The following UBE2G2 variants were observed in gnomAD, a reference collection of about 807,000 sequenced individuals.
The protein encoded by UBE2G2 is ubiquitin-conjugating enzyme E2 G2.
UBE2G2 carries 10 observed loss-of-function variants against 23.0 expected under a neutral mutation model. The observed-to-expected ratio is 0.43, with a 90% CI of 0.27 to 0.74. UBE2G2 has a LOEUF of 0.74. Ranked by LOEUF, UBE2G2 falls within the 30% of genes least tolerant of loss-of-function variation. The pLI, the probability that UBE2G2 is intolerant of heterozygous loss-of-function variation, is 0.19. For missense variants in UBE2G2, 150 were observed against 218.3 expected (o/e 0.69, Z 1.97); for synonymous variants, 86 against 81.3 (o/e 1.06, Z -0.31).
At chr21:44,796,743 C>CA (rs1456226511) in intron 1 of UBE2G2, among the ~76,000 whole-genome samples, 1 of 152,222 alleles carries the variant, frequency 6.6e-6, no homozygotes, top group African/African-American at 2.4e-5. Context: ...GTTCTCTGCT[C>CA]AGAGTCTCAC....
chr21:44,796,279 A>G (rs1555963756), intron 1 of UBE2G2, among the ~76,000 whole-genome samples: 2 of 152,352 alleles, frequency 1.3e-5, no homozygotes, highest in East Asian at 3.9e-4. Flanking sequence ...CTGTTGCTCA[A>G]TTCCATAAAA....
intron 1 of UBE2G2, among the ~76,000 whole-genome samples, chr21:44,795,738 G>A (rs1415743677): frequency 7.0e-6 from 1 of 142,246 alleles, no homozygotes; most frequent in Non-Finnish European, 1.5e-5. Context: ...CACTGCTAGG[G>A]AAATGTGAAC....
Position 44,772,335 on chromosome 21 carries a change from C to CG in UBE2G2, c.386-847dup, listed in dbSNP as rs2082880531. Among the ~76,000 whole-genome samples the CG allele has an allele frequency of 1.3e-5, 2 of 152,102 alleles. No individual in the cohort carries two copies. The highest frequency in any genetic ancestry group is 2.9e-5 in the Non-Finnish European group (2 of 67,996). ...CCTCAGCCCTCTCAGGATACACACTCGCGTCACAGGCCCTGACCTCACATC... is the reference window on the plus strand; with the variant it reads ...CCTCAGCCCTCTCAGGATACACACTCGGCGTCACAGGCCCTGACCTCACATC... On this transcript the variant is annotated intron_variant, in intron 5 of 5. Coordinates refer to ENST00000345496, the MANE Select transcript of UBE2G2 (RefSeq NM_003343.6). The surrounding 1 kb of genome is among the most constrained non-coding windows in gnomAD (Gnocchi z 5.4).
rs190842063 is a variant in UBE2G2 at position 44,782,419 on chromosome 21, C to T, written c.126-5002G>A. Among the ~76,000 whole-genome samples the T allele has an allele frequency of 5.9e-5, 9 of 152,308 alleles. No homozygotes were observed. The East Asian group carries it at 1.7e-3, about 29-fold the overall frequency. On this transcript the variant is annotated intron_variant, in intron 3 of 5. Transcript: ENST00000345496. Reference sequence around the variant, plus strand: ...TTCAATGTAGTCTCAATCAAAATCCCACCAGGCATTTTGTAGAAATTGACA... The same window carrying T: ...TTCAATGTAGTCTCAATCAAAATCCTACCAGGCATTTTGTAGAAATTGACA...
At chr21:44,797,037 C>G (rs1453554862) in intron 1 of UBE2G2, among the ~76,000 whole-genome samples, 1 of 152,208 alleles carries the variant, frequency 6.6e-6, no homozygotes. Flanking sequence ...CTGCTGATTA[C>G]TAACCTGACT....
chr21:44,776,601 C>T (rs2082915375), intron 4 of UBE2G2, among the ~76,000 whole-genome samples: 1 of 152,116 alleles, frequency 6.6e-6, no homozygotes, highest in Non-Finnish European at 1.5e-5. Context: ...ATTGTAGCTC[C>T]CATAATTCCC....
intron 1 of UBE2G2, 110 bp from the exon 2 acceptor site, chr21:44,788,205 A>G: frequency 9.7e-7 from 1 of 1,035,448 alleles, no homozygotes; most frequent in African/African-American, 1.6e-5. Flanking sequence ...GAATATGCAT[A>G]TTAACAAGTG....
At chr21:44,779,181 G>T (rs1555960979) in intron 3 of UBE2G2, 1 of 436,164 alleles carries the variant, frequency 2.3e-6, no homozygotes, top group East Asian at 7.6e-5. Context: ...AGCAACAGCA[G>T]ATGCCAGCAC....
At chr21:44,792,321 G>A (rs1281324911) in intron 1 of UBE2G2, among the ~76,000 whole-genome samples, 5 of 152,122 alleles carry the variant, frequency 3.3e-5, no homozygotes, top group African/African-American at 1.2e-4. Flanking sequence ...AAATGACATG[G>A]TTTGGCTTTG....
chr21:44,779,654 A>AGAGT (rs1326937400), intron 3 of UBE2G2, among the ~76,000 whole-genome samples: 1 of 152,230 alleles, frequency 6.6e-6, no homozygotes, highest in Non-Finnish European at 1.5e-5. Flanking sequence ...ACCATGTATC[A>AGAGT]GAGTGAGGCG....
intron 1 of UBE2G2, chr21:44,800,973 A>AC (rs1226866034): frequency 6.6e-6 from 1 of 152,112 alleles, no homozygotes; most frequent in Admixed American, 6.5e-5. Context: ...CCGGGTCTGA[A>AC]CTCAGGCCCT....
intron 1 of UBE2G2, among the ~76,000 whole-genome samples, chr21:44,793,487 A>G (rs2083061565): frequency 6.6e-6 from 1 of 152,344 alleles, no homozygotes; most frequent in South Asian, 2.1e-4. Context: ...CAGCTTTGTT[A>G]TTCAACAGTG....
At position 44,770,828 on chromosome 21, in the gene UBE2G2, G is replaced by T. The variant is rs1238707194; in HGVS notation, c.*549C>A. On this transcript the variant is annotated 3_prime_UTR_variant, in exon 6 of 6. Transcript: ENST00000345496. ...TGATGGTTTGTAATATATAACAAAT[G>T]AAAAGATGTAATTAGATTATAAGAA... 1 of 152,308 alleles carries T rather than the reference G, an allele frequency of 6.6e-6. No homozygotes were observed. Among genetic ancestry groups the T allele is most frequent in the Admixed American group, 6.5e-5 (1 of 15,284 alleles). 9.4% of individuals were successfully genotyped at this position (152,308 alleles called of 1,614,324 possible).
Position 44,771,631 on chromosome 21 carries a change from G to T in UBE2G2, c.386-142C>A. 1.2e-6 allele frequency: 1 copy of T among 852,682 alleles called. No individual in the cohort carries two copies. Among genetic ancestry groups the T allele is most frequent in the Non-Finnish European group, 1.8e-6 (1 of 542,736 alleles). The allele number at this position is 852,682 out of a possible 1,614,324, so 52.8% of individuals were successfully genotyped here. ...ACAAAGAACCTGAGAACTGCATGGG[G>T]TCGGCCCCACCTCTAGAGTGCTGGC... is the stretch of plus-strand genomic sequence containing the variant. On this transcript the variant is annotated intron_variant, in intron 5 of 5. Coordinates refer to ENST00000345496, the MANE Select transcript of UBE2G2 (RefSeq NM_003343.6). This position sits in a 1 kb window ranked among gnomAD's most constrained non-coding sequence, Gnocchi z 4.6.
At chr21:44,793,051 G>A (rs1354058533) in intron 1 of UBE2G2, among the ~76,000 whole-genome samples, 1 of 152,238 alleles carries the variant, frequency 6.6e-6, no homozygotes, top group Non-Finnish European at 1.5e-5. Flanking sequence ...TAGATCAGGA[G>A]AAATAACCAC....
intron 3 of UBE2G2, among the ~76,000 whole-genome samples, chr21:44,782,919 T>G (rs1234897904): frequency 6.6e-6 from 1 of 151,956 alleles, no homozygotes; most frequent in Non-Finnish European, 1.5e-5. Context: ...AGAAAAAAAA[T>G]GCAAAATCAC....
chr21:44,779,816 T>C (rs1175142722), intron 3 of UBE2G2, among the ~76,000 whole-genome samples: 1 of 152,204 alleles, frequency 6.6e-6, no homozygotes, highest in Non-Finnish European at 1.5e-5. Flanking sequence ...AAGGATGAAA[T>C]GACTTAGTCA....
At chr21:44,792,107 T>A (rs539199964) in intron 1 of UBE2G2, among the ~76,000 whole-genome samples, 1 of 152,354 alleles carries the variant, frequency 6.6e-6, no homozygotes, top group East Asian at 1.9e-4. Flanking sequence ...TTCCATTGTA[T>A]CTTGAAAGTA....
intron 1 of UBE2G2, among the ~76,000 whole-genome samples, chr21:44,791,120 G>C (rs1184134472): frequency 2.0e-5 from 3 of 152,180 alleles, no homozygotes; most frequent in Non-Finnish European, 2.9e-5. Context: ...CTTTGAACTT[G>C]AGAGAGATGA....
Sources: gnomAD v4.1 joint callset for allele counts (sites outside exome capture counted in the v4.1 genomes callset) on GRCh38, gnomAD v4.1.1 for gene constraint, Gnocchi (gnomAD v3.1) non-coding constraint, MANE v1.5 for transcripts, NCBI Gene and HGNC (gene_info 2026-07-23, HGNC 2026-07-21) for gene names.